Variants in TIMP2 observed in about 807,000 individuals in gnomAD.
TIMP2 encodes the protein TIMP metallopeptidase inhibitor 2.
In TIMP2, 5 loss-of-function variants were observed where a neutral mutation model predicts 24.3. That is an observed-to-expected ratio of 0.21 (90% CI 0.11 to 0.43). TIMP2 has a LOEUF of 0.43. TIMP2 is among the 20% of genes least tolerant of loss of function. The pLI is 1.00. For synonymous variants in TIMP2, 130 were observed against 123.2 expected (o/e 1.06, Z -0.37); for missense variants, 221 against 297.5 (o/e 0.74, Z 1.89).
Position 78,867,640 on chromosome 17 carries a change from G to C in TIMP2, c.340+3258C>G, listed in dbSNP as rs570973823. On this transcript the variant is annotated intron_variant, in intron 3 of 4. Transcript: ENST00000262768. ...AGATGGAGTCTCACTCTGTCGCCCA[G>C]ACTGGAGTGCAGTGGCACGATCTCG... Among the ~76,000 whole-genome samples the C allele has an allele frequency of 1.2e-4, 17 of 143,012 alleles. No individual in the cohort carries two copies. The South Asian group carries it at 2.4e-3, about 20-fold the overall frequency. The allele number at this position is 143,012 out of a possible 152,430, so 93.8% of individuals were successfully genotyped here. A position where few individuals can be genotyped will look rare whatever the true frequency, so the allele number is the denominator to read the frequency against.
chr17:78,902,200 G>C (rs745779689), intron 1 of TIMP2, among the ~76,000 whole-genome samples: 3 of 152,178 alleles, frequency 2.0e-5, no homozygotes, highest in Non-Finnish European at 4.4e-5. Flanking sequence ...TCCACCTTCC[G>C]GGTTCAAGCA....
chr17:78,893,252 T>C (rs1361784856), intron 1 of TIMP2, among the ~76,000 whole-genome samples: 1 of 141,012 alleles, frequency 7.1e-6, no homozygotes, highest in Non-Finnish European at 1.5e-5. Context: ...TGTAGGAGTG[T>C]GTGTGCAGGG....
intron 1 of TIMP2, among the ~76,000 whole-genome samples, chr17:78,922,768 G>A (rs899329909): frequency 3.9e-5 from 6 of 152,144 alleles, no homozygotes; most frequent in African/African-American, 1.4e-4. Context: ...GCAGCGAGCC[G>A]AGATTGCGCC....
intron 1 of TIMP2, among the ~76,000 whole-genome samples, chr17:78,893,476 G>A (rs986020953): frequency 3.1e-4 from 44 of 143,394 alleles, no homozygotes; most frequent in African/African-American, 8.8e-4. Flanking sequence ...TGTGCATAGC[G>A]GTGTGTGTGC....
chr17:78,880,415 C>T (rs1266371370), intron 1 of TIMP2, among the ~76,000 whole-genome samples: 1 of 152,140 alleles, frequency 6.6e-6, no homozygotes, highest in Non-Finnish European at 1.5e-5. Flanking sequence ...AGGCCGGGTG[C>T]AGTGGCTCAC....
intron 1 of TIMP2, among the ~76,000 whole-genome samples, chr17:78,879,041 C>T (rs984259576): frequency 1.3e-5 from 2 of 152,182 alleles, no homozygotes; most frequent in Non-Finnish European, 2.9e-5. Context: ...GTTGGCATAG[C>T]GGGATCTGCA....
chr17:78,892,172 G>A, intron 1 of TIMP2: 1 of 1,550,968 alleles, frequency 6.4e-7, no homozygotes, highest in Non-Finnish European at 8.7e-7. Context: ...CAACTCCTCA[G>A]CCAAGCGCTG....
At chr17:78,880,410 G>A (rs138370060) in intron 1 of TIMP2, among the ~76,000 whole-genome samples, 2,081 of 152,300 alleles carry the variant, frequency 0.014, 21 homozygotes, top group Admixed American at 0.025. Context: ...TCGAAAGGCC[G>A]GGTGCAGTGG....
Position 78,853,911 on chromosome 17 carries a change from T to G in TIMP2, c.*1756A>C, listed in dbSNP as rs2069503667. The G allele has an allele frequency of 6.6e-6, 1 of 152,350 alleles. No homozygotes were observed. Among genetic ancestry groups the G allele is most frequent in the African/African-American group, 2.4e-5 (1 of 41,456 alleles). 9.4% of individuals were successfully genotyped at this position (152,350 alleles called of 1,614,324 possible). ...TGGAGTTGTATATACTGAAATCACATGGACTGGTCCATTATGACATCTTAC... is the reference window on the plus strand; with the variant it reads ...TGGAGTTGTATATACTGAAATCACAGGGACTGGTCCATTATGACATCTTAC... On this transcript the variant is annotated 3_prime_UTR_variant, in exon 5 of 5. Coordinates refer to ENST00000262768, the MANE Select transcript of TIMP2 (RefSeq NM_003255.5).
intron 1 of TIMP2, among the ~76,000 whole-genome samples, chr17:78,876,906 G>A (rs2069732978): frequency 1.6e-5 from 1 of 62,428 alleles, no homozygotes; most frequent in Non-Finnish European, 3.5e-5. Context: ...TCAAGACCCA[G>A]CTAAAATAGC....
chr17:78,867,752 C>A (rs531116144), intron 3 of TIMP2, among the ~76,000 whole-genome samples: 1 of 151,894 alleles, frequency 6.6e-6, no homozygotes, highest in Non-Finnish European at 1.5e-5. Flanking sequence ...CCCGCCACCA[C>A]GCCCGGCTAA....
chr17:78,893,141 G>A (rs1267971649), intron 1 of TIMP2, among the ~76,000 whole-genome samples: 1 of 149,218 alleles, frequency 6.7e-6, no homozygotes, highest in South Asian at 2.1e-4. Flanking sequence ...GGGTGTGTGT[G>A]CGTACATGTG....
intron 1 of TIMP2, chr17:78,897,877 T>C (rs2070028591): frequency 6.6e-6 from 1 of 152,214 alleles, no homozygotes; most frequent in Non-Finnish European, 1.5e-5. Flanking sequence ...TGTGTCGGTT[T>C]TCCTGGAGAC....
chr17:78,862,428 G>A (rs997054916), intron 3 of TIMP2, among the ~76,000 whole-genome samples: 4 of 152,218 alleles, frequency 2.6e-5, no homozygotes, highest in Non-Finnish European at 1.5e-5. Context: ...TCGCCATGAG[G>A]TGAGTCAGCC....
At chr17:78,865,312 G>C (rs1157973512) in intron 3 of TIMP2, among the ~76,000 whole-genome samples, 2 of 152,076 alleles carry the variant, frequency 1.3e-5, no homozygotes, top group African/African-American at 4.8e-5. Flanking sequence ...GATAGTGATA[G>C]TTACACAACA....
rs2145798183 is a variant in TIMP2, at chr17:78,920,711, T to C, written c.130+4248A>G. Among the ~76,000 whole-genome samples, 1 of 152,352 alleles carries C rather than the reference T, an allele frequency of 6.6e-6. No individual in the cohort carries two copies. Among genetic ancestry groups the C allele is most frequent in the Non-Finnish European group, 1.5e-5 (1 of 68,038 alleles). On this transcript the variant is annotated intron_variant, in intron 1 of 4. Transcript: ENST00000262768. The surrounding 1 kb of genome is among the most constrained non-coding windows in gnomAD (Gnocchi z 4.5). Reference sequence around the variant, plus strand: ...CATGATTACTCCTGAATTTTGGTTATTTCGAAAGTTTATCTGTTGTTAATT... The same window carrying C: ...CATGATTACTCCTGAATTTTGGTTACTTCGAAAGTTTATCTGTTGTTAATT...
In TIMP2 at chr17:78,896,696, C is replaced by A. The variant is rs567204702; in HGVS notation, c.131-22777G>T. On this transcript the variant is annotated intron_variant, in intron 1 of 4. Coordinates refer to ENST00000262768, the MANE Select transcript of TIMP2 (RefSeq NM_003255.5). The surrounding 1 kb of genome is among the most constrained non-coding windows in gnomAD (Gnocchi z 4.4). Reference sequence around the variant, plus strand: ...CCACTCAGAGAAACCACAGCTCCCCCCTCCGCAGAAGCCGCGCTCGGAGCA... The same window carrying A: ...CCACTCAGAGAAACCACAGCTCCCCACTCCGCAGAAGCCGCGCTCGGAGCA... 1.4e-4 allele frequency among the ~76,000 whole-genome samples: 22 copies of A among 152,280 alleles called. No individual in the cohort carries two copies. The highest frequency in any genetic ancestry group is 2.9e-5 in the Non-Finnish European group (2 of 68,010).
At chr17:78,892,743 C>G (rs1312751711) in intron 1 of TIMP2, among the ~76,000 whole-genome samples, 5 of 152,138 alleles carry the variant, frequency 3.3e-5, no homozygotes, top group Non-Finnish European at 2.9e-5. Flanking sequence ...GTCACAAATG[C>G]AGGGAGGAGG....
intron 1 of TIMP2, among the ~76,000 whole-genome samples, chr17:78,880,252 C>G (rs999815199): frequency 6.6e-6 from 1 of 152,218 alleles, no homozygotes; most frequent in African/African-American, 2.4e-5. Context: ...ACACGTGGGT[C>G]CTGCGTCCTC....
Sources: gnomAD v4.1 joint callset for allele counts (sites outside exome capture counted in the v4.1 genomes callset) on GRCh38, gnomAD v4.1.1 for gene constraint, Gnocchi (gnomAD v3.1) non-coding constraint, MANE v1.5 for transcripts, NCBI Gene and HGNC (gene_info 2026-07-23, HGNC 2026-07-21) for gene names.